Variants in TECRL observed in about 807,000 individuals in gnomAD.
TECRL encodes the protein trans-2,3-enoyl-CoA reductase like, also known as trans-2,3-enoyl-CoA reductase-like.
In TECRL, 63 loss-of-function variants were observed where a neutral mutation model predicts 52.8. The observed-to-expected ratio is 1.19, with a 90% confidence interval of 0.97 to 1.47. TECRL has a LOEUF of 1.47. TECRL is among the 40% of genes most tolerant of loss of function. The pLI is 0.00. For synonymous variants in TECRL, 164 were observed against 141.9 expected, an observed-to-expected ratio of 1.16 and a Z score of -1.10; for missense variants, 482 against 429.6, an observed-to-expected ratio of 1.12 and a Z score of -1.08.
At chr4:64,391,373 G>A (rs895779037) in intron 1 of TECRL, among the ~76,000 whole-genome samples, 1 of 151,698 alleles carries the variant, frequency 6.6e-6, no homozygotes, top group African/African-American at 2.4e-5. Context: ...TTTCACAGCT[G>A]CAGACTTACA....
At chr4:64,298,073 C>A (rs1723785870) in intron 8 of TECRL, among the ~76,000 whole-genome samples, 1 of 150,704 alleles carries the variant, frequency 6.6e-6, no homozygotes, top group African/African-American at 2.4e-5. Flanking sequence ...TAATATTATG[C>A]TATGTATAAT....
chr4:64,305,790 C>T (rs1422030312), intron 6 of TECRL, among the ~76,000 whole-genome samples: 1 of 152,096 alleles, frequency 6.6e-6, no homozygotes, highest in African/African-American at 2.4e-5. Flanking sequence ...GATGCAACAC[C>T]CCCAGGGGGA....
At chr4:64,306,737 T>A (rs1003602588) in intron 6 of TECRL, among the ~76,000 whole-genome samples, 2 of 152,182 alleles carry the variant, frequency 1.3e-5, no homozygotes, top group African/African-American at 4.8e-5. Context: ...CTCCTCTCCA[T>A]CTAGGCTGCT....
intron 8 of TECRL, among the ~76,000 whole-genome samples, chr4:64,293,857 CATA>C (rs1467535074): frequency 1.3e-5 from 2 of 151,498 alleles, no homozygotes; most frequent in African/African-American, 4.9e-5. Flanking sequence ...ACTGTGATCT[CATA>C]ATATTTTCAT....
chr4:64,358,141 G>A (rs1448985727), intron 2 of TECRL, among the ~76,000 whole-genome samples: 1 of 151,632 alleles, frequency 6.6e-6, no homozygotes, highest in East Asian at 1.9e-4. Context: ...TTTTCGGTCT[G>A]TAAATTAGGA....
chr4:64,363,440 C>T (rs1237230907), intron 2 of TECRL, among the ~76,000 whole-genome samples: 2 of 152,110 alleles, frequency 1.3e-5, no homozygotes, highest in Non-Finnish European at 2.9e-5. Flanking sequence ...GGGTACACTA[C>T]CCACTAGTTT....
rs1166563812 is a variant in TECRL, at chr4:64,309,931, G to A, written c.552C>T (p.His184=). Residue 184 remains histidine, a splice_region_variant and synonymous_variant, in exon 6 of 12, where the codon CAC becomes CAT. Transcript: ENST00000381210. ...GTATACAATGACAGAAGCAAGCCAAGCTGGAAAAAAAAATAAAACATAAAC... is the reference window on the plus strand; with the variant it reads ...GTATACAATGACAGAAGCAAGCCAAACTGGAAAAAAAAATAAAACATAAAC... ...SARRLRHPVV[H]LACFCHCIHY... The A allele has an allele frequency of 1.3e-6, 2 of 1,568,354 alleles. No individual in the cohort carries two copies. Among genetic ancestry groups the A allele is most frequent in the Admixed American group, 1.9e-5 (1 of 53,060 alleles).
At chr4:64,389,992 A>G (rs1361187099) in intron 1 of TECRL, among the ~76,000 whole-genome samples, 1 of 151,884 alleles carries the variant, frequency 6.6e-6, no homozygotes, top group Non-Finnish European at 1.5e-5. Context: ...TTTACAAAGC[A>G]TTATAAATGT....
chr4:64,372,000 T>TA (rs1401390371), intron 2 of TECRL, among the ~76,000 whole-genome samples: 1 of 151,800 alleles, frequency 6.6e-6, no homozygotes, highest in African/African-American at 2.4e-5. Flanking sequence ...TTTAAAATGT[T>TA]AAAAAATATT....
At chr4:64,386,696 A>G (rs1158238797) in intron 1 of TECRL, among the ~76,000 whole-genome samples, 1 of 152,184 alleles carries the variant, frequency 6.6e-6, no homozygotes, top group Non-Finnish European at 1.5e-5. Flanking sequence ...TACTATTTCA[A>G]GCCAAAATGG....
chr4:64,312,257 C>A (rs1164576816), intron 5 of TECRL, among the ~76,000 whole-genome samples: 1 of 152,062 alleles, frequency 6.6e-6, no homozygotes, highest in Non-Finnish European at 1.5e-5. Flanking sequence ...ACAACATCAT[C>A]CTGAAAATTA....
chr4:64,377,742 C>T (rs1018095889), intron 1 of TECRL, among the ~76,000 whole-genome samples: 3 of 151,994 alleles, frequency 2.0e-5, no homozygotes, highest in African/African-American at 4.8e-5. Context: ...AAAGCTTTTT[C>T]GTTCAAGCAT....
rs1481075439 is a variant in TECRL at position 64,278,558 on chromosome 4, G to T, written c.*1514C>A. 2 of 164,764 alleles carry T rather than the reference G, an allele frequency of 1.2e-5. No homozygotes were observed. Among genetic ancestry groups the T allele is most frequent in the Admixed American group, 6.5e-5 (1 of 15,274 alleles). 10.2% of individuals were successfully genotyped at this position (164,764 alleles called of 1,614,324 possible). A position where few individuals can be genotyped will look rare whatever the true frequency, so the allele number is the denominator to read the frequency against. ...CAATACATATAATTTATAGTGGTCAGATCAGAGAAATTAGAGTATCCATGG... is the reference window on the plus strand; with the variant it reads ...CAATACATATAATTTATAGTGGTCATATCAGAGAAATTAGAGTATCCATGG... On this transcript the variant is annotated 3_prime_UTR_variant, in exon 12 of 12. Coordinates refer to ENST00000381210, the MANE Select transcript of TECRL (RefSeq NM_001010874.5).
At chr4:64,326,925 T>A (rs1718305573) in intron 3 of TECRL, among the ~76,000 whole-genome samples, 1 of 152,150 alleles carries the variant, frequency 6.6e-6, no homozygotes, top group Non-Finnish European at 1.5e-5. Flanking sequence ...AAGACCCTGC[T>A]TTGTTTTGGT....
At chr4:64,335,932 G>T (rs999281646) in intron 2 of TECRL, among the ~76,000 whole-genome samples, 13 of 152,074 alleles carry the variant, frequency 8.5e-5, no homozygotes, top group African/African-American at 3.1e-4. Context: ...ATTTTATTGA[G>T]AATTTTTGCA....
intron 4 of TECRL, among the ~76,000 whole-genome samples, chr4:64,321,332 T>C (rs1188701084): frequency 6.6e-6 from 1 of 152,054 alleles, no homozygotes; most frequent in Non-Finnish European, 1.5e-5. Flanking sequence ...AAAAATTGGT[T>C]GTTTAATTGT....
chr4:64,287,686 A>T (rs1409766608), intron 9 of TECRL, among the ~76,000 whole-genome samples: 1 of 152,198 alleles, frequency 6.6e-6, no homozygotes, highest in African/African-American at 2.4e-5. Context: ...ATAATGGAAT[A>T]CATTATTAAA....
chr4:64,309,957 A>C, intron 5 of TECRL, 26 bp from the exon 6 acceptor site: 4 of 1,445,986 alleles, frequency 2.8e-6, no homozygotes, highest in Non-Finnish European at 3.8e-6. Context: ...AAACATAAAC[A>C]TGAAAATCCT....
intron 2 of TECRL, among the ~76,000 whole-genome samples, chr4:64,359,492 C>T (rs926091136): frequency 7.2e-6 from 1 of 139,172 alleles, no homozygotes; most frequent in South Asian, 2.5e-4. Flanking sequence ...GCTAACCCAA[C>T]CGTCTAGATG....
Sources: gnomAD v4.1 joint callset for allele counts (sites outside exome capture counted in the v4.1 genomes callset) on GRCh38, gnomAD v4.1.1 for gene constraint, MANE v1.5 for transcripts, NCBI Gene and HGNC (gene_info 2026-07-23, HGNC 2026-07-21) for gene names.